The following ARHGAP29 variants were observed in gnomAD, a reference collection of about 807,000 sequenced individuals.
ARHGAP29 encodes the protein rho GTPase-activating protein 29.
A neutral mutation model predicts 122.6 loss-of-function variants in ARHGAP29; 43 were observed. That is an observed-to-expected ratio of 0.35 (90% CI 0.27 to 0.45). ARHGAP29 has a LOEUF of 0.45. ARHGAP29 is among the 20% of genes least tolerant of loss of function. The probability of loss-of-function intolerance (pLI) is 1.00; values close to 1 mark genes in which losing one functional copy is unlikely to be tolerated. For missense variants in ARHGAP29, 1,303 were observed against 1,477.2 expected (o/e 0.88, Z 1.93); for synonymous variants, 506 against 497.1 (o/e 1.02, Z -0.24).
chr1:94,229,232 T>C (rs1479467003), intron 2 of ARHGAP29, among the ~76,000 whole-genome samples: 1 of 151,814 alleles, frequency 6.6e-6, no homozygotes, highest in African/African-American at 2.4e-5. Flanking sequence ...ACTATAGGGA[T>C]ACATGTAATA....
intron 19 of ARHGAP29, among the ~76,000 whole-genome samples, chr1:94,180,258 G>A (rs754243966): frequency 6.6e-6 from 1 of 152,024 alleles, no homozygotes; most frequent in Non-Finnish European, 1.5e-5. Context: ...TCACATTCAC[G>A]ACTCCCCCAA....
chr1:94,294,424 AG>A, the ARHGAP29 span, among the ~76,000 whole-genome samples: 57 of 152,144 alleles, frequency 3.7e-4, no homozygotes, highest in African/African-American at 1.4e-3. Context: ...CTGGGACTAC[AG>A]GCACACGCCA....
chr1:94,221,469 C>T (rs1652285881), intron 2 of ARHGAP29, among the ~76,000 whole-genome samples: 1 of 151,532 alleles, frequency 6.6e-6, no homozygotes, highest in Non-Finnish European at 1.5e-5. Context: ...ATGGGTCATA[C>T]TCATTTAGTA....
At chr1:94,248,491 C>T (rs1293835002) in intron 1 of ARHGAP29, among the ~76,000 whole-genome samples, 3 of 152,188 alleles carry the variant, frequency 2.0e-5, no homozygotes, top group African/African-American at 7.2e-5. Flanking sequence ...CTAAGAATAC[C>T]TTTCCTGTCA....
intron 3 of ARHGAP29, among the ~76,000 whole-genome samples, chr1:94,215,232 ATAT>A (rs1332822613): frequency 4.0e-5 from 6 of 151,826 alleles, no homozygotes; most frequent in African/African-American, 1.4e-4. Flanking sequence ...AACAAAGTAC[ATAT>A]TATATTCTTG....
At chr1:94,264,612 T>G (rs1264868533) in intron 1 of ARHGAP29, among the ~76,000 whole-genome samples, 5 of 152,112 alleles carry the variant, frequency 3.3e-5, no homozygotes, top group African/African-American at 1.2e-4. Flanking sequence ...AAGCTGATAT[T>G]TGCTTTCTCT....
intron 7 of ARHGAP29, 40 bp from the exon 8 acceptor site, chr1:94,204,034 T>A: frequency 6.5e-7 from 1 of 1,544,434 alleles, no homozygotes. Context: ...TAAAATCAAT[T>A]TATTTTTCCC....
chr1:94,207,605 A>G (rs1004186769), intron 5 of ARHGAP29, among the ~76,000 whole-genome samples: 3 of 152,188 alleles, frequency 2.0e-5, no homozygotes, highest in African/African-American at 7.2e-5. Context: ...TGAAAAGATA[A>G]AATTTAGGAA....
At chr1:94,304,381 C>T in the ARHGAP29 span, among the ~76,000 whole-genome samples, 1 of 152,152 alleles carries the variant, frequency 6.6e-6, no homozygotes, top group African/African-American at 2.4e-5. Context: ...CTCAAGAAAT[C>T]CTCCTGCCTT....
At chr1:94,299,186 C>T in the ARHGAP29 span, among the ~76,000 whole-genome samples, 3 of 152,286 alleles carry the variant, frequency 2.0e-5, 1 homozygote, top group South Asian at 6.2e-4. Flanking sequence ...TATGTTCTCA[C>T]CACTGTTTTG....
chr1:94,244,592 CA>C (rs1286795861), intron 1 of ARHGAP29, among the ~76,000 whole-genome samples: 8 of 151,858 alleles, frequency 5.3e-5, no homozygotes, highest in African/African-American at 1.9e-4. Context: ...AAATAAAATG[CA>C]TTCACATTTA....
rs1164170391 is a variant in ARHGAP29, at chr1:94,237,409, A to G, written c.-33+6T>C. On this transcript the variant is annotated splice_donor_region_variant and intron_variant, in intron 1 of 22. Transcript: ENST00000260526. ...GCCGGAGCAAGCGCCACCTCCTCAC[A>G]CTCACCACGGCGCTCCATCTCGCGT... 1 of 985,302 alleles carries G rather than the reference A, an allele frequency of 1.0e-6. No individual in the cohort carries two copies. The highest frequency in any genetic ancestry group is 1.2e-6 in the Non-Finnish European group (1 of 830,290). The allele number at this position is 985,302 out of a possible 1,614,324, so 61.0% of individuals were successfully genotyped here.
intron 10 of ARHGAP29, 84 bp downstream of exon 10, chr1:94,202,834 A>C: frequency 2.6e-6 from 4 of 1,539,790 alleles, no homozygotes; most frequent in Non-Finnish European, 3.5e-6. Context: ...TTTTAGAAAA[A>C]TGAGAGCAAG....
At chr1:94,231,323 C>A in intron 2 of ARHGAP29, 84 bp downstream of exon 2, 2 of 1,118,580 alleles carry the variant, frequency 1.8e-6, no homozygotes, top group Non-Finnish European at 2.6e-6. Flanking sequence ...CTGTTCCTAC[C>A]ACTGTGTACA....
intron 11 of ARHGAP29, chr1:94,202,193 C>T (rs1650890918): frequency 8.5e-6 from 4 of 469,742 alleles, no homozygotes; most frequent in Non-Finnish European, 1.1e-5. Flanking sequence ...CCTATCCTTG[C>T]TATCAGGTGC....
intron 1 of ARHGAP29, among the ~76,000 whole-genome samples, chr1:94,232,184 G>C (rs1652957325): frequency 6.6e-6 from 1 of 152,038 alleles, no homozygotes; most frequent in South Asian, 2.1e-4. Context: ...GTCACTTATT[G>C]TATGATCTAT....
the ARHGAP29 span, among the ~76,000 whole-genome samples, chr1:94,301,544 G>A: frequency 6.6e-6 from 1 of 152,182 alleles, no homozygotes; most frequent in Non-Finnish European, 1.5e-5. Context: ...CAATGGGGAG[G>A]GAAGGAAGGC....
chr1:94,222,175 A>G (rs926988540), intron 2 of ARHGAP29, among the ~76,000 whole-genome samples: 1 of 152,260 alleles, frequency 6.6e-6, no homozygotes, highest in Non-Finnish European at 1.5e-5. Flanking sequence ...GATTGAATAC[A>G]TTAGTAAACA....
rs761553482 is a variant in ARHGAP29, at chr1:94,205,199, CT to C, written c.560-2del. 1.9e-6 allele frequency: 3 copies of C among 1,570,790 alleles called. No individual in the cohort carries two copies. Among genetic ancestry groups the C allele is most frequent in the Non-Finnish European group, 2.6e-6 (3 of 1,164,276 alleles). On this transcript the variant is annotated splice_acceptor_variant, in intron 6 of 22. Transcript: ENST00000260526. LOFTEE classifies it high-confidence loss of function. ...TCTAGTTCTAAAGGGGAAAAATTTC[CT>C]GAAAACAAAAATATCAAGGTAAGTA...
Sources: gnomAD v4.1 joint callset for allele counts (sites outside exome capture counted in the v4.1 genomes callset) on GRCh38, gnomAD v4.1.1 for gene constraint, MANE v1.5 for transcripts, NCBI Gene and HGNC (gene_info 2026-07-23, HGNC 2026-07-21) for gene names.